CDC42BPA: variants seen among roughly 807,000 people sequenced by gnomAD.
The protein encoded by CDC42BPA is serine/threonine-protein kinase MRCK alpha.
A neutral mutation model predicts 223.5 loss-of-function variants in CDC42BPA; 80 were observed. That is an observed-to-expected ratio of 0.36 (90% CI 0.30 to 0.43). The LOEUF (loss-of-function observed/expected upper bound fraction) is 0.43. CDC42BPA is among the 20% of genes least tolerant of loss of function. The pLI is 1.00. For synonymous variants in CDC42BPA, 694 were observed against 718.6 expected (o/e 0.97, Z 0.55); for missense variants, 1,743 against 2,099.9 (o/e 0.83, Z 3.32).
intron 2 of CDC42BPA, among the ~76,000 whole-genome samples, chr1:227,243,414 A>G (rs1423001998): frequency 2.0e-5 from 3 of 152,122 alleles, no homozygotes; most frequent in Non-Finnish European, 4.4e-5. Flanking sequence ...GTTTCTTTGC[A>G]ATTAAATGTG....
chr1:227,271,484 A>C (rs1269955366), intron 1 of CDC42BPA, among the ~76,000 whole-genome samples: 1 of 152,168 alleles, frequency 6.6e-6, no homozygotes, highest in East Asian at 1.9e-4. Flanking sequence ...TCTTCAAGTA[A>C]ACATCTGATA....
intron 2 of CDC42BPA, among the ~76,000 whole-genome samples, chr1:227,222,455 C>T (rs1268691297): frequency 1.3e-5 from 2 of 152,116 alleles, no homozygotes; most frequent in Non-Finnish European, 2.9e-5. Flanking sequence ...GCCAAGACCA[C>T]GCCACTGCAC....
At chr1:227,123,057 C>A (rs904637073) in intron 11 of CDC42BPA, among the ~76,000 whole-genome samples, 3 of 152,184 alleles carry the variant, frequency 2.0e-5, no homozygotes, top group Non-Finnish European at 4.4e-5. Context: ...AATCCTAGCA[C>A]TTTGGGAGGC....
intron 8 of CDC42BPA, among the ~76,000 whole-genome samples, chr1:227,144,574 C>CAAAAAAAAAAAAAAAAAAAAAAAAAAA: frequency 1.6e-5 from 1 of 63,476 alleles, no homozygotes. Flanking sequence ...GACTCTGTCT[C>CAAAAAAAAAAAAAAAAAAAAAAAAAAA]AAAAAAAAAA....
intron 21 of CDC42BPA, among the ~76,000 whole-genome samples, chr1:227,061,111 C>T (rs1675838322): frequency 1.3e-5 from 2 of 152,094 alleles, no homozygotes; most frequent in Non-Finnish European, 2.9e-5. Flanking sequence ...GATTAGAAGG[C>T]CCGGAGAGTT....
At chr1:227,304,504 T>C (rs953954850) in intron 1 of CDC42BPA, among the ~76,000 whole-genome samples, 12 of 152,116 alleles carry the variant, frequency 7.9e-5, no homozygotes, top group Non-Finnish European at 1.6e-4. Flanking sequence ...AAAATTACTT[T>C]GAAATAAAAT....
rs75872688 is a variant in CDC42BPA at position 227,002,813 on chromosome 1, G to T, written c.4975+2181C>A. Among the ~76,000 whole-genome samples, 393 of 152,288 alleles carry T rather than the reference G, an allele frequency of 2.6e-3. 9 individuals are homozygous for T. In the East Asian group the frequency reaches 0.048, roughly 19 times the overall value. On this transcript the variant is annotated intron_variant, in intron 35 of 36. Transcript: ENST00000366766. ...GGTGAGCCAGGAAACTGATTCCCTAGTCACAGCTGAGTCTTGAGGTGACTG... is the reference window on the plus strand; with the variant it reads ...GGTGAGCCAGGAAACTGATTCCCTATTCACAGCTGAGTCTTGAGGTGACTG...
At chr1:227,294,860 A>C in intron 1 of CDC42BPA, among the ~76,000 whole-genome samples, 1 of 23,980 alleles carries the variant, frequency 4.2e-5, no homozygotes, top group Non-Finnish European at 7.9e-5. Context: ...ACTCCGTCTC[A>C]AAAAAAAAAA....
At chr1:227,205,937 T>C (rs768424721) in intron 3 of CDC42BPA, among the ~76,000 whole-genome samples, 25 of 152,118 alleles carry the variant, frequency 1.6e-4, no homozygotes, top group Non-Finnish European at 3.2e-4. Flanking sequence ...TAGTCCCAGC[T>C]ACTCCCAGGC....
intron 2 of CDC42BPA, among the ~76,000 whole-genome samples, chr1:227,222,613 GCA>G (rs1415633441): frequency 6.6e-6 from 1 of 152,224 alleles, no homozygotes; most frequent in Non-Finnish European, 1.5e-5. Context: ...AAGGAATGCT[GCA>G]CAGAGAGGCC....
intron 21 of CDC42BPA, among the ~76,000 whole-genome samples, chr1:227,065,296 G>A (rs1157976982): frequency 6.6e-6 from 1 of 151,976 alleles, no homozygotes; most frequent in Non-Finnish European, 1.5e-5. Flanking sequence ...AAAACAACTG[G>A]ATTAAATACT....
intron 1 of CDC42BPA, chr1:227,265,029 G>A (rs1408195540): frequency 6.3e-6 from 5 of 798,036 alleles, no homozygotes; most frequent in Non-Finnish European, 1.1e-5. Flanking sequence ...TCATCACACT[G>A]AGGATTTGGC....
At chr1:227,015,395 C>A (rs542435352) in intron 34 of CDC42BPA, among the ~76,000 whole-genome samples, 41 of 151,970 alleles carry the variant, frequency 2.7e-4, no homozygotes, top group African/African-American at 9.6e-4. Flanking sequence ...TGCACTCCAG[C>A]CTGGGTGATA....
At chr1:227,277,588 T>C (rs1687320554) in intron 1 of CDC42BPA, among the ~76,000 whole-genome samples, 1 of 152,236 alleles carries the variant, frequency 6.6e-6, no homozygotes, top group East Asian at 1.9e-4. Flanking sequence ...ACTGATTTAA[T>C]ATTCAAACTT....
At chr1:227,183,152 T>C (rs749475912) in intron 5 of CDC42BPA, 1 of 152,246 alleles carries the variant, frequency 6.6e-6, no homozygotes, top group Non-Finnish European at 1.5e-5. Context: ...TATATCCTAC[T>C]GGTTCTGTCT....
At chr1:227,091,559 A>T (rs1683084764) in intron 16 of CDC42BPA, among the ~76,000 whole-genome samples, 1 of 152,146 alleles carries the variant, frequency 6.6e-6, no homozygotes, top group Non-Finnish European at 1.5e-5. Flanking sequence ...AGCCAAAATA[A>T]ATCTATTTTA....
At chr1:227,000,908 G>T (rs1437118844) in intron 35 of CDC42BPA, among the ~76,000 whole-genome samples, 1 of 152,044 alleles carries the variant, frequency 6.6e-6, no homozygotes, top group African/African-American at 2.4e-5. Context: ...CTGTACTCAG[G>T]ATACAGCCCC....
chr1:226,994,761 T>C lies in CDC42BPA; in HGVS notation c.5133+62A>G, dbSNP rs1661266550. 1.3e-5 allele frequency: 19 copies of C among 1,494,542 alleles called. No homozygotes were observed. The South Asian group carries it at 2.4e-4, about 19-fold the overall frequency. The allele number at this position is 1,494,542 out of a possible 1,614,324, so 92.6% of individuals were successfully genotyped here. A position where few individuals can be genotyped will look rare whatever the true frequency, so the allele number is the denominator to read the frequency against. ...TGAGGCCAATCCCAAGGTGGTGGGA[T>C]TGCCTGGGAAGATGCCCTAGTCTTT... On this transcript the variant is annotated intron_variant, in intron 36 of 36. Coordinates refer to ENST00000366766, the MANE Select transcript of CDC42BPA (RefSeq NM_001394014.1). This position sits in a 1 kb window ranked among gnomAD's most constrained non-coding sequence, Gnocchi z 4.0.
intron 16 of CDC42BPA, among the ~76,000 whole-genome samples, chr1:227,082,965 C>A (rs552745812): frequency 6.6e-6 from 1 of 152,144 alleles, no homozygotes; most frequent in Non-Finnish European, 1.5e-5. Flanking sequence ...TCTCTGGTTG[C>A]TTTTAGAATT....
Sources: allele counts gnomAD v4.1 joint callset (sites outside exome capture counted in the v4.1 genomes callset), GRCh38; gene constraint gnomAD v4.1.1; non-coding constraint Gnocchi (gnomAD v3.1); transcripts MANE v1.5; gene names NCBI Gene and HGNC (gene_info 2026-07-23, HGNC 2026-07-21).